The following RB1 variants were observed in gnomAD, a reference collection of about 807,000 sequenced individuals.
RB1 encodes retinoblastoma-associated protein.
RB1 carries 18 observed loss-of-function variants against 135.4 expected under a neutral mutation model. The observed-to-expected ratio is 0.13, with a 90% confidence interval of 0.09 to 0.20. RB1 has a LOEUF of 0.20. RB1 is among the 10% of genes least tolerant of loss of function. The pLI, the probability that RB1 is intolerant of heterozygous loss-of-function variation, is 1.00. For missense variants in RB1, 868 were observed against 1,110.0 expected (o/e 0.78, Z 3.10); for synonymous variants, 365 against 373.2 (o/e 0.98, Z 0.25).
chr13:48,379,957 TAAAAAA>T (rs35427721), intron 14 of RB1, 90 bp from the exon 15 acceptor site: 43 of 369,210 alleles, frequency 1.2e-4, no homozygotes, highest in Admixed American at 3.3e-4. Context: ...AGACACCATC[TAAAAAA>T]AAAAAAAAAA....
intron 17 of RB1, among the ~76,000 whole-genome samples, chr13:48,421,232 C>T (rs1949000453): frequency 6.6e-6 from 1 of 152,102 alleles, no homozygotes; most frequent in Admixed American, 6.6e-5. Flanking sequence ...TAATGCCACA[C>T]ATCTACAACC....
rs1949530201 is a variant in RB1, at chr13:48,480,234, A to G, written c.*163A>G. 3.1e-6 allele frequency: 2 copies of G among 643,248 alleles called. No individual in the cohort carries two copies. The highest frequency in any genetic ancestry group is 5.6e-6 in the Non-Finnish European group (2 of 354,594). 39.8% of individuals were successfully genotyped at this position (643,248 alleles called of 1,614,324 possible). On this transcript the variant is annotated 3_prime_UTR_variant, in exon 27 of 27. Transcript: ENST00000267163. ...AGATGCAATTGTTTGGGTGATTCCT[A>G]AGCCACTTGAAATGTTAGTCATTGT...
chr13:48,317,074 G>T, intron 2 of RB1: 1 of 802,688 alleles, frequency 1.2e-6, no homozygotes, highest in Non-Finnish European at 1.7e-6. Context: ...TTGCTGCTTG[G>T]CCAGGGCCCG....
At position 48,303,765 on chromosome 13, in the gene RB1, G is replaced by A. The variant is rs1952049328; in HGVS notation, c.-148G>A. The A allele has an allele frequency of 8.0e-7, 1 of 1,249,464 alleles. No individual in the cohort carries two copies. Among genetic ancestry groups the A allele is most frequent in the Non-Finnish European group, 1.1e-6 (1 of 935,742 alleles). 77.4% of individuals were successfully genotyped at this position (1,249,464 alleles called of 1,614,324 possible). The stretch of plus-strand genomic sequence containing the variant: ...ACGCGGCGCTCAGTTGCCGGGCGGG[G>A]GAGGGCGCGTCCGGTTTTTCTCAGG... On this transcript the variant is annotated 5_prime_UTR_variant, in exon 1 of 27. Transcript: ENST00000267163.
chr13:48,431,631 G>T (rs1040113586), intron 17 of RB1, among the ~76,000 whole-genome samples: 1 of 152,184 alleles, frequency 6.6e-6, no homozygotes, highest in East Asian at 1.9e-4. Flanking sequence ...AAATTTGAGG[G>T]TTTCCTGTCT....
At chr13:48,411,816 C>T (rs1216747973) in intron 17 of RB1, 2 of 1,612,816 alleles carry the variant, frequency 1.2e-6, no homozygotes, top group Non-Finnish European at 1.7e-6. Flanking sequence ...CATACTAGAA[C>T]AAGTTACATT....
At chr13:48,432,594 A>G (rs187023814) in intron 17 of RB1, among the ~76,000 whole-genome samples, 30 of 151,918 alleles carry the variant, frequency 2.0e-4, no homozygotes, top group Non-Finnish European at 3.7e-4. Context: ...TTACTCTTTA[A>G]TGCTTTGGTT....
chr13:48,360,303 G>T, intron 7 of RB1, 176 bp downstream of exon 7: 1 of 1,369,996 alleles, frequency 7.3e-7, no homozygotes, highest in Non-Finnish European at 9.6e-7. Flanking sequence ...GGAAACAAAT[G>T]ATTAGAGTAT....
At chr13:48,346,370 ATGTGTGTGTGTGTGTGTG>A (rs61503219) in intron 4 of RB1, among the ~76,000 whole-genome samples, 8 of 131,130 alleles carry the variant, frequency 6.1e-5, no homozygotes, top group Middle Eastern at 3.8e-3. Context: ...TATTATATAT[ATGTGTGTGTGTGTGTGTG>A]TGTGTGTGTG....
intron 10 of RB1, among the ~76,000 whole-genome samples, 165 bp from the exon 11 acceptor site, chr13:48,368,362 T>C (rs902457876): frequency 6.6e-6 from 1 of 152,164 alleles, no homozygotes; most frequent in African/African-American, 2.4e-5. Context: ...GAAAAATATT[T>C]TATTTAAGCA....
intron 17 of RB1, chr13:48,429,642 C>T (rs116667191): frequency 2.3e-3 from 341 of 151,186 alleles, no homozygotes; most frequent in African/African-American, 7.9e-3. Flanking sequence ...CAAATGAATA[C>T]ACTTTTTGTG....
chr13:48,309,299 A>G (rs116814876), intron 2 of RB1, among the ~76,000 whole-genome samples: 30 of 152,350 alleles, frequency 2.0e-4, no homozygotes, highest in African/African-American at 6.0e-4. Context: ...ATAAGAGTAT[A>G]TATCTGTTTT....
chr13:48,319,023 C>A lies in RB1; in HGVS notation c.264+11617C>A. On this transcript the variant is annotated intron_variant, in intron 2 of 26. Coordinates refer to ENST00000267163, the MANE Select transcript of RB1 (RefSeq NM_000321.3). This position sits in a 1 kb window ranked among gnomAD's most constrained non-coding sequence, Gnocchi z 5.0. ...GCCGGCAGGGTAGTCTTGGAAATGC[C>A]CAAGATTGCTTCCGCGCGCGTCAGT... 1 of 683,214 alleles carries A rather than the reference C, an allele frequency of 1.5e-6. No homozygotes were observed. Among genetic ancestry groups the A allele is most frequent in the South Asian group, 1.4e-5 (1 of 70,480 alleles). The allele number at this position is 683,214 out of a possible 1,614,324, so 42.3% of individuals were successfully genotyped here. A position where few individuals can be genotyped will look rare whatever the true frequency, so the allele number is the denominator to read the frequency against.
At chr13:48,400,993 A>C (rs1948686980) in intron 17 of RB1, among the ~76,000 whole-genome samples, 1 of 152,088 alleles carries the variant, frequency 6.6e-6, no homozygotes, top group African/African-American at 2.4e-5. Flanking sequence ...CAGGGGGAAA[A>C]GGCATCATGG....
chr13:48,376,773 T>C, intron 12 of RB1, 145 bp from the exon 13 acceptor site: 1 of 1,190,108 alleles, frequency 8.4e-7, no homozygotes, highest in East Asian at 2.5e-5. Context: ...TCTGCTTATG[T>C]TCAGTAGTTG....
intron 6 of RB1, among the ~76,000 whole-genome samples, chr13:48,357,514 A>G (rs1175784514): frequency 6.6e-6 from 1 of 152,084 alleles, no homozygotes; most frequent in Admixed American, 6.6e-5. Flanking sequence ...CACTAAACAA[A>G]TATATTGAGA....
intron 2 of RB1, among the ~76,000 whole-genome samples, chr13:48,326,362 G>A (rs1248806217): frequency 6.6e-6 from 1 of 150,390 alleles, no homozygotes; most frequent in East Asian, 1.9e-4. Context: ...CTTGTTTTTT[G>A]TTTGTTTGTT....
chr13:48,337,404 T>C (rs1952395226), intron 2 of RB1, among the ~76,000 whole-genome samples: 2 of 152,238 alleles, frequency 1.3e-5, no homozygotes, highest in African/African-American at 4.8e-5. Context: ...TAGTTCTTCT[T>C]GTTGAATTGA....
At chr13:48,364,099 A>G (rs1952669662) in intron 8 of RB1, among the ~76,000 whole-genome samples, 1 of 152,232 alleles carries the variant, frequency 6.6e-6, no homozygotes, top group African/African-American at 2.4e-5. Context: ...TACTAATTTC[A>G]ACAAATATAC....
Sources: gnomAD v4.1 joint callset for allele counts (sites outside exome capture counted in the v4.1 genomes callset) on GRCh38, gnomAD v4.1.1 for gene constraint, Gnocchi (gnomAD v3.1) non-coding constraint, MANE v1.5 for transcripts, NCBI Gene and HGNC (gene_info 2026-07-23, HGNC 2026-07-21) for gene names.